The following TNKS variants were observed in gnomAD, a reference collection of about 807,000 sequenced individuals.
The protein encoded by TNKS is poly [ADP-ribose] polymerase tankyrase-1.
Under a neutral mutation model 135.8 loss-of-function variants are expected in TNKS, and 72 were observed. The observed-to-expected ratio is 0.53, with a 90% CI of 0.44 to 0.64. The LOEUF is 0.64. Ranked by LOEUF, TNKS falls within the 30% of genes least tolerant of loss-of-function variation. The pLI is 0.00. For missense variants in TNKS, 1,769 were observed against 1,674.0 expected, an observed-to-expected ratio of 1.06 and a Z score of -0.99; for synonymous variants, 849 against 649.3, an observed-to-expected ratio of 1.31 and a Z score of -4.68.
At chr8:9,594,023 A>T (rs1485578393) in intron 2 of TNKS, among the ~76,000 whole-genome samples, 1 of 152,032 alleles carries the variant, frequency 6.6e-6, no homozygotes, top group Non-Finnish European at 1.5e-5. Context: ...AATAGCTGGG[A>T]CTGTAGGAAC....
At position 9,704,766 on chromosome 8, in the gene TNKS, A is replaced by G. The variant is rs754608884; in HGVS notation, c.1202+9A>G. On this transcript the variant is annotated intron_variant, in intron 6 of 26. Coordinates refer to ENST00000310430, the MANE Select transcript of TNKS (RefSeq NM_003747.3). ...CATGCAAAAGACAAAGGGTAGGTCT[A>G]TCAGTTTACTTCCTGTCAGTGCTTT... is the stretch of plus-strand genomic sequence containing the variant. 4.4e-6 allele frequency: 7 copies of G among 1,607,642 alleles called. No individual in the cohort carries two copies. The East Asian group carries it at 6.7e-5, about 15-fold the overall frequency.
intron 12 of TNKS, among the ~76,000 whole-genome samples, chr8:9,720,887 CATTT>C (rs1468995066): frequency 3.9e-5 from 6 of 152,178 alleles, no homozygotes; most frequent in Admixed American, 1.3e-4. Context: ...ATGGTAATGA[CATTT>C]AATTAATTGT....
chr8:9,693,820 C>T lies in TNKS; in HGVS notation c.1108-10843C>T, dbSNP rs991734567. On this transcript the variant is annotated intron_variant, in intron 5 of 26. Transcript: ENST00000310430. Reference sequence around the variant, plus strand: ...TATGTCACCTGATAGCATATGCACACGCACACACAATTTTCTCATTCTGGA... The same window carrying T: ...TATGTCACCTGATAGCATATGCACATGCACACACAATTTTCTCATTCTGGA... 9.2e-5 allele frequency among the ~76,000 whole-genome samples: 14 copies of T among 152,254 alleles called. No homozygotes were observed. The East Asian group carries it at 1.2e-3, about 13-fold the overall frequency.
chr8:9,726,264 A>G (rs1347959591), intron 12 of TNKS, among the ~76,000 whole-genome samples: 2 of 152,060 alleles, frequency 1.3e-5, no homozygotes, highest in Non-Finnish European at 2.9e-5. Flanking sequence ...GGTGGTGTAC[A>G]CGTGTGGTCT....
intron 3 of TNKS, among the ~76,000 whole-genome samples, chr8:9,659,446 C>G (rs1801587746): frequency 6.6e-6 from 1 of 152,148 alleles, no homozygotes; most frequent in Non-Finnish European, 1.5e-5. Context: ...CAAAACTACT[C>G]AACTACATGG....
chr8:9,624,479 G>A (rs1324957492), intron 3 of TNKS, among the ~76,000 whole-genome samples: 1 of 152,128 alleles, frequency 6.6e-6, no homozygotes, highest in Non-Finnish European at 1.5e-5. Context: ...ATAAAAAGAA[G>A]TCCCTTGTAC....
chr8:9,686,374 T>C (rs986763290), intron 5 of TNKS, among the ~76,000 whole-genome samples: 8 of 152,140 alleles, frequency 5.3e-5, no homozygotes, highest in African/African-American at 1.7e-4. Flanking sequence ...TCCCGATCCA[T>C]CTTTAGGGTG....
intron 3 of TNKS, among the ~76,000 whole-genome samples, chr8:9,637,995 A>G (rs923637740): frequency 6.6e-6 from 1 of 152,096 alleles, no homozygotes; most frequent in African/African-American, 2.4e-5. Flanking sequence ...TAGAGATGGG[A>G]TCTCGCTTTG....
chr8:9,684,722 C>T (rs1802914628), intron 5 of TNKS, among the ~76,000 whole-genome samples: 1 of 152,104 alleles, frequency 6.6e-6, no homozygotes, highest in Admixed American at 6.6e-5. Context: ...TTTCCCTCTG[C>T]TCCTTTCATT....
rs977909668 is a variant in TNKS, at chr8:9,778,514, G to A, written c.*1778G>A. On this transcript the variant is annotated 3_prime_UTR_variant, in exon 27 of 27. Transcript: ENST00000310430. ...ATCCAGACTAGTTTGAATGTTTGTA[G>A]CTGAATTTTTATGGGTCCTCAAAAT... 2.6e-5 allele frequency: 4 copies of A among 152,620 alleles called. No homozygotes were observed. In the South Asian group the frequency reaches 6.2e-4, roughly 24 times the overall value. The allele number at this position is 152,620 out of a possible 1,614,324, so 9.5% of individuals were successfully genotyped here.
chr8:9,627,382 A>G (rs1800101288), intron 3 of TNKS, among the ~76,000 whole-genome samples: 1 of 152,250 alleles, frequency 6.6e-6, no homozygotes, highest in African/African-American at 2.4e-5. Flanking sequence ...ATAGCTGGTC[A>G]GTCAGAAGCA....
chr8:9,750,862 T>C (rs181160076), intron 18 of TNKS, among the ~76,000 whole-genome samples: 48 of 152,344 alleles, frequency 3.2e-4, no homozygotes, highest in Admixed American at 2.2e-3. Context: ...AAGATGGCCT[T>C]TCATCCCGCA....
At chr8:9,752,110 A>G (rs979759081) in intron 19 of TNKS, among the ~76,000 whole-genome samples, 5 of 152,234 alleles carry the variant, frequency 3.3e-5, no homozygotes, top group East Asian at 1.9e-4. Flanking sequence ...AAATTGTGTC[A>G]GAACACAACT....
intron 2 of TNKS, among the ~76,000 whole-genome samples, chr8:9,602,041 T>A (rs1799036840): frequency 6.6e-6 from 1 of 152,076 alleles, no homozygotes; most frequent in Admixed American, 6.5e-5. Context: ...AGGGCATATT[T>A]AGCTATATCT....
In TNKS at chr8:9,710,133, T is replaced by C. The variant is rs765395859; in HGVS notation, c.1671-9T>C. The C allele has an allele frequency of 1.9e-6, 3 of 1,614,014 alleles. No homozygotes were observed. The highest frequency in any genetic ancestry group is 2.7e-5 in the African/African-American group (2 of 75,048). ...CAATTACCTTTTCTTTCTTTCCTCT[T>C]TTCTGTAGTTTCATGACTCCCCTGC... On this transcript the variant is annotated splice_polypyrimidine_tract_variant and intron_variant, in intron 10 of 26. Coordinates refer to ENST00000310430, the MANE Select transcript of TNKS (RefSeq NM_003747.3).
chr8:9,730,712 C>T lies in TNKS; in HGVS notation c.2002-178C>T, dbSNP rs558739476. Among the ~76,000 whole-genome samples, 12 of 152,232 alleles carry T rather than the reference C, an allele frequency of 7.9e-5. No homozygotes were observed. In the South Asian group the frequency reaches 2.5e-3, roughly 32 times the overall value. On this transcript the variant is annotated intron_variant, in intron 13 of 26. Transcript: ENST00000310430. ...TCTGTACATAATAAAAAATATTTGT[C>T]GTCACTGAAAGGCATAGTGCTGATT...
chr8:9,565,927 C>T (rs754078633), intron 1 of TNKS, among the ~76,000 whole-genome samples: 1 of 152,100 alleles, frequency 6.6e-6, no homozygotes, highest in Non-Finnish European at 1.5e-5. Context: ...TGTGTGTATA[C>T]ACACTTTTTT....
intron 11 of TNKS, 145 bp from the exon 12 acceptor site, chr8:9,720,229 T>G: frequency 2.8e-6 from 2 of 713,670 alleles, no homozygotes; most frequent in Non-Finnish European, 2.1e-6. Flanking sequence ...TCAGAATCAG[T>G]GAGCAAAAGT....
Position 9,774,081 on chromosome 8 carries a change from C to G in TNKS, c.3898-2569C>G, listed in dbSNP as rs1313066409. The stretch of plus-strand genomic sequence containing the variant: ...ATTGAAAAGATATATTGAAGGTTAA[C>G]TGAACTGTACTTGGAAAGAAAAATG... On this transcript the variant is annotated intron_variant, in intron 26 of 26. Coordinates refer to ENST00000310430, the MANE Select transcript of TNKS (RefSeq NM_003747.3). Among the ~76,000 whole-genome samples the G allele has an allele frequency of 2.6e-5, 4 of 152,138 alleles. No homozygotes were observed. The East Asian group carries it at 7.7e-4, about 29-fold the overall frequency.
Sources: allele counts gnomAD v4.1 joint callset (sites outside exome capture counted in the v4.1 genomes callset), GRCh38; gene constraint gnomAD v4.1.1; transcripts MANE v1.5; gene names NCBI Gene and HGNC (gene_info 2026-07-23, HGNC 2026-07-21).